Variants in CCDC178 observed in about 807,000 individuals in gnomAD.
The protein encoded by CCDC178 is coiled-coil domain containing 178.
A neutral mutation model predicts 117.4 loss-of-function variants in CCDC178; 126 were observed. The ratio of observed to expected loss-of-function variants is 1.07; its 90% confidence interval spans 0.93 to 1.24. The LOEUF (loss-of-function observed/expected upper bound fraction) is 1.24. Ranked by LOEUF, CCDC178 falls within the 50% of genes most tolerant of loss-of-function variation. The probability of loss-of-function intolerance (pLI) is 0.00; values close to 1 mark genes in which losing one functional copy is unlikely to be tolerated. For missense variants in CCDC178, 1,030 were observed against 986.9 expected (o/e 1.04, Z -0.59); for synonymous variants, 283 against 313.4 (o/e 0.90, Z 1.02).
intron 20 of CCDC178, among the ~76,000 whole-genome samples, chr18:33,197,593 C>T (rs2058945147): frequency 6.6e-6 from 1 of 150,610 alleles, no homozygotes; most frequent in South Asian, 2.1e-4. Context: ...AAAAATGAAA[C>T]CTTTGTGGCC....
intron 21 of CCDC178, among the ~76,000 whole-genome samples, chr18:33,018,481 C>A (rs895046146): frequency 2.6e-5 from 4 of 152,008 alleles, no homozygotes; most frequent in African/African-American, 9.7e-5. Flanking sequence ...AAAGTAGAAA[C>A]AACCCAAATG....
At chr18:33,070,253 T>C (rs1230855926) in intron 21 of CCDC178, among the ~76,000 whole-genome samples, 1 of 152,060 alleles carries the variant, frequency 6.6e-6, no homozygotes, top group East Asian at 1.9e-4. Context: ...GTATTCATAA[T>C]AGCCAAGACA....
intron 22 of CCDC178, among the ~76,000 whole-genome samples, chr18:32,949,767 G>T (rs555680575): frequency 2.2e-4 from 33 of 152,174 alleles, no homozygotes; most frequent in African/African-American, 7.7e-4. Flanking sequence ...TCCTGGATTT[G>T]ATGTTTCCTT....
intron 6 of CCDC178, among the ~76,000 whole-genome samples, chr18:33,356,898 C>A (rs952924959): frequency 6.6e-6 from 1 of 152,036 alleles, no homozygotes; most frequent in Non-Finnish European, 1.5e-5. Flanking sequence ...TTACTAGGTC[C>A]TTTTTAGGGA....
intron 21 of CCDC178, among the ~76,000 whole-genome samples, chr18:32,984,413 AC>A (rs1480127403): frequency 6.6e-6 from 1 of 151,966 alleles, no homozygotes; most frequent in East Asian, 1.9e-4. Flanking sequence ...ATTACATATA[AC>A]AGATAATAAT....
chr18:33,404,280 G>A (rs1403443852), intron 3 of CCDC178, among the ~76,000 whole-genome samples: 1 of 152,036 alleles, frequency 6.6e-6, no homozygotes, highest in African/African-American at 2.4e-5. Context: ...ATTGGAAATT[G>A]TGAATGTGGG....
chr18:33,028,850 C>T (rs2056279078), intron 21 of CCDC178, among the ~76,000 whole-genome samples: 1 of 151,622 alleles, frequency 6.6e-6, no homozygotes, highest in South Asian at 2.1e-4. Flanking sequence ...CTGAAATAAC[C>T]TTGCATACCT....
chr18:33,135,813 C>G lies in CCDC178; in HGVS notation c.2239-42903G>C, dbSNP rs1349559344. ...TAGGGCACTGACCCTGACATTTACC[C>G]CGTGTGACAGACTGACTCTTGGTCT... On this transcript the variant is annotated intron_variant, in intron 20 of 22. Coordinates refer to ENST00000383096, the MANE Select transcript of CCDC178 (RefSeq NM_001105528.4). Among the ~76,000 whole-genome samples, 4 of 152,086 alleles carry G rather than the reference C, an allele frequency of 2.6e-5. No individual in the cohort carries two copies. In the East Asian group the frequency reaches 7.7e-4, roughly 29 times the overall value.
At chr18:33,360,459 T>C (rs2063110356) in intron 6 of CCDC178, among the ~76,000 whole-genome samples, 1 of 151,386 alleles carries the variant, frequency 6.6e-6, no homozygotes, top group South Asian at 2.1e-4. Context: ...TGGATCGACC[T>C]CCCACATTAT....
rs1380149209 is a variant in CCDC178 at position 32,974,657 on chromosome 18, G to A, written c.2413C>T (p.His805Tyr). 6.2e-7 allele frequency: 1 copy of A among 1,613,146 alleles called. No individual in the cohort carries two copies. Among genetic ancestry groups the A allele is most frequent in the African/African-American group, 1.3e-5 (1 of 74,910 alleles). ...TTGAAGTGCTCCTGCCACAGTGTGTGCATCCTTCTCTGCAGCTGACAGAGC... is the reference window on the plus strand; with the variant it reads ...TTGAAGTGCTCCTGCCACAGTGTGTACATCCTTCTCTGCAGCTGACAGAGC... ...KQLCQLQRRM[H>Y]TLWQEHFKLV... Residue 805 changes from histidine (H) to tyrosine (Y), a missense_variant, in exon 22 of 23, where the codon CAC becomes TAC. By Grantham distance (83) the His-to-Tyr change is moderately conservative. Transcript: ENST00000383096.
At chr18:33,226,184 C>A (rs191959395) in intron 16 of CCDC178, among the ~76,000 whole-genome samples, 217 of 152,048 alleles carry the variant, frequency 1.4e-3, no homozygotes, top group African/African-American at 5.1e-3. Flanking sequence ...AGAAACCCAC[C>A]AACAAACAAA....
At chr18:33,189,130 CAGTT>C (rs1489158649) in intron 20 of CCDC178, among the ~76,000 whole-genome samples, 4 of 152,078 alleles carry the variant, frequency 2.6e-5, no homozygotes, top group Non-Finnish European at 5.9e-5. Flanking sequence ...TTTGGGGTAT[CAGTT>C]AGTACTCCCA....
intron 20 of CCDC178, among the ~76,000 whole-genome samples, chr18:33,185,994 G>A (rs1898377351): frequency 6.6e-6 from 1 of 151,836 alleles, no homozygotes; most frequent in Non-Finnish European, 1.5e-5. Context: ...GGCTTACAGA[G>A]TTCATCTTTC....
rs537107514 is a variant in CCDC178, at chr18:33,012,590, G to A, written c.2389-37909C>T. Among the ~76,000 whole-genome samples, 30 of 152,156 alleles carry A rather than the reference G, an allele frequency of 2.0e-4. No homozygotes were observed. In the South Asian group the frequency reaches 2.3e-3, roughly 12 times the overall value. On this transcript the variant is annotated intron_variant, in intron 21 of 22. Coordinates refer to ENST00000383096, the MANE Select transcript of CCDC178 (RefSeq NM_001105528.4). Reference sequence around the variant, plus strand: ...TCCATGCAGTGCCTCATTTTACAGCGCTCCCCTAAAATATTTTTCTTAACA... The same window carrying A: ...TCCATGCAGTGCCTCATTTTACAGCACTCCCCTAAAATATTTTTCTTAACA...
intron 12 of CCDC178, among the ~76,000 whole-genome samples, chr18:33,286,843 T>A (rs1032690341): frequency 1.3e-5 from 2 of 152,204 alleles, no homozygotes; most frequent in Admixed American, 6.5e-5. Context: ...CAGATATAAA[T>A]GCCTTTTTTA....
intron 21 of CCDC178, among the ~76,000 whole-genome samples, chr18:32,992,127 C>T (rs1163350154): frequency 3.9e-5 from 6 of 152,208 alleles, no homozygotes; most frequent in East Asian, 1.9e-4. Flanking sequence ...TTAGTATAAG[C>T]GCTGTAACAA....
At chr18:33,406,568 A>G (rs1054401054) in intron 3 of CCDC178, among the ~76,000 whole-genome samples, 3 of 152,116 alleles carry the variant, frequency 2.0e-5, no homozygotes, top group African/African-American at 7.2e-5. Context: ...ATTTCTCTCA[A>G]TCTAATAAAG....
At chr18:33,169,444 A>C (rs2058571541) in intron 20 of CCDC178, among the ~76,000 whole-genome samples, 1 of 152,096 alleles carries the variant, frequency 6.6e-6, no homozygotes, top group Non-Finnish European at 1.5e-5. Context: ...TGCTTCTATA[A>C]CCAGGAGGCA....
chr18:33,032,227 T>C (rs1375828301), intron 21 of CCDC178, among the ~76,000 whole-genome samples: 1 of 151,960 alleles, frequency 6.6e-6, no homozygotes, highest in Non-Finnish European at 1.5e-5. Flanking sequence ...AGAACTGAGA[T>C]CCTTGTTTTG....
Sources: allele counts gnomAD v4.1 joint callset (sites outside exome capture counted in the v4.1 genomes callset), GRCh38; gene constraint gnomAD v4.1.1; transcripts MANE v1.5; gene names NCBI Gene and HGNC (gene_info 2026-07-23, HGNC 2026-07-21).